The following LIPC variants were observed in gnomAD, a reference collection of about 807,000 sequenced individuals.
LIPC encodes hepatic triacylglycerol lipase.
A neutral mutation model predicts 50.7 loss-of-function variants in LIPC; 44 were observed. That is an observed-to-expected ratio of 0.87 (90% confidence interval 0.68 to 1.11). LIPC has a LOEUF of 1.11. Ranked by LOEUF, LIPC falls within the 50% of genes most tolerant of loss-of-function variation. The pLI is 0.00. For synonymous variants in LIPC, 271 were observed against 256.4 expected, an observed-to-expected ratio of 1.06 and a Z score of -0.54; for missense variants, 697 against 648.2, an observed-to-expected ratio of 1.08 and a Z score of -0.82.
At chr15:58,460,134 T>C (rs1231261725) in intron 1 of LIPC, among the ~76,000 whole-genome samples, 6 of 152,222 alleles carry the variant, frequency 3.9e-5, no homozygotes, top group Non-Finnish European at 7.3e-5. Context: ...ATGAGCATTG[T>C]TCAAGCCGAT....
intron 1 of LIPC, among the ~76,000 whole-genome samples, chr15:58,482,433 G>C (rs1363961272): frequency 1.3e-5 from 2 of 152,150 alleles, no homozygotes; most frequent in African/African-American, 4.8e-5. Context: ...AGAGTTCCTT[G>C]GGCTTTGGAG....
intron 1 of LIPC, among the ~76,000 whole-genome samples, chr15:58,514,474 G>T (rs1177824992): frequency 6.6e-6 from 1 of 152,152 alleles, no homozygotes; most frequent in Non-Finnish European, 1.5e-5. Flanking sequence ...AATGCTATTT[G>T]ATTGAAAGTA....
chr15:58,434,005 A>G (rs1376611877), intron 1 of LIPC, among the ~76,000 whole-genome samples: 5 of 152,010 alleles, frequency 3.3e-5, no homozygotes, highest in African/African-American at 1.2e-4. Flanking sequence ...AAGTTTCTAC[A>G]CCAATGGTTC....
chr15:58,471,774 G>T (rs1356488523), intron 1 of LIPC, among the ~76,000 whole-genome samples: 1 of 152,188 alleles, frequency 6.6e-6, no homozygotes, highest in Non-Finnish European at 1.5e-5. Flanking sequence ...GGCTTAGAAA[G>T]GGCAGGCACC....
chr15:58,520,853 G>C (rs1892632044), intron 1 of LIPC, among the ~76,000 whole-genome samples: 2 of 152,122 alleles, frequency 1.3e-5, no homozygotes, highest in South Asian at 4.1e-4. Flanking sequence ...TTTGAGATCA[G>C]AAAAGCCTTC....
At chr15:58,468,228 C>T (rs550599506) in intron 1 of LIPC, among the ~76,000 whole-genome samples, 1 of 152,272 alleles carries the variant, frequency 6.6e-6, no homozygotes, top group South Asian at 2.1e-4. Flanking sequence ...TGGACCTGAA[C>T]CCAGGTCACG....
At chr15:58,548,638 G>A (rs1240477218) in intron 6 of LIPC, 66 bp downstream of exon 6, 36 of 1,544,568 alleles carry the variant, frequency 2.3e-5, no homozygotes, top group Admixed American at 3.9e-5. Flanking sequence ...GGGCTCAGAA[G>A]TCCCCTTGGC....
At chr15:58,453,841 G>A (rs1321093982) in intron 1 of LIPC, among the ~76,000 whole-genome samples, 1 of 149,694 alleles carries the variant, frequency 6.7e-6, no homozygotes, top group Non-Finnish European at 1.5e-5. Context: ...AGTGAGCCAT[G>A]ATCATGCACA....
chr15:58,560,914 A>G lies in LIPC; in HGVS notation c.1102A>G (p.Ile368Val), dbSNP rs762481690. 7.7e-6 allele frequency: 12 copies of G among 1,556,322 alleles called. No homozygotes were observed. The highest frequency in any genetic ancestry group is 1.7e-4 in the Middle Eastern group (1 of 5,990). The change falls in exon 7 of 9, where the codon ATA becomes GTA. Residue 368 changes from isoleucine to valine, a missense_variant. Coordinates refer to ENST00000299022, the MANE Select transcript of LIPC (RefSeq NM_000236.3). The part of the protein sequence containing the change: ...IQFINQTETP[I>V]QTTFTMSLLG... Reference sequence around the variant, plus strand: ...GTTCATCAACCAAACTGAGACACCAATACAAACAACTTTTACCATGTCACT... The same window carrying G: ...GTTCATCAACCAAACTGAGACACCAGTACAAACAACTTTTACCATGTCACT...
At chr15:58,519,234 C>A (rs1892576954) in intron 1 of LIPC, among the ~76,000 whole-genome samples, 1 of 151,894 alleles carries the variant, frequency 6.6e-6, no homozygotes, top group Non-Finnish European at 1.5e-5. Flanking sequence ...TGGTGAAACC[C>A]TTTCTCTACT....
intron 1 of LIPC, among the ~76,000 whole-genome samples, chr15:58,490,064 T>C (rs556754088): frequency 6.6e-6 from 1 of 152,210 alleles, no homozygotes; most frequent in African/African-American, 2.4e-5. Context: ...CAATACTTAA[T>C]TTTGTTTTTA....
At chr15:58,552,020 C>A (rs1369603491) in intron 6 of LIPC, among the ~76,000 whole-genome samples, 16 of 152,352 alleles carry the variant, frequency 1.1e-4, no homozygotes, top group African/African-American at 3.8e-4. Flanking sequence ...CACTTCCATT[C>A]TCACTCTCTC....
chr15:58,539,128 C>A (rs917432585), intron 2 of LIPC, among the ~76,000 whole-genome samples: 5 of 152,150 alleles, frequency 3.3e-5, no homozygotes, highest in African/African-American at 4.8e-5. Flanking sequence ...AGCTAGAGGA[C>A]TAGCCATCAC....
At position 58,485,183 on chromosome 15, in the gene LIPC, G is replaced by A. The variant is rs139434906; in HGVS notation, c.88+53063G>A. ...CATGTAGAATGCATTGGAAGAGGAC[G>A]GCGGGGTTAAGCAGGGAGACCCCGG... On this transcript the variant is annotated intron_variant, in intron 1 of 8. Coordinates refer to ENST00000299022, the MANE Select transcript of LIPC (RefSeq NM_000236.3). 3.2e-3 allele frequency among the ~76,000 whole-genome samples: 487 copies of A among 152,268 alleles called. 1 individual carries two copies. The highest frequency in any genetic ancestry group is 9.9e-3 in the South Asian group (48 of 4,826).
At chr15:58,508,659 T>C (rs1030706945) in intron 1 of LIPC, among the ~76,000 whole-genome samples, 9 of 152,194 alleles carry the variant, frequency 5.9e-5, no homozygotes, top group African/African-American at 1.7e-4. Context: ...CCAAACTCTA[T>C]GCTGGGGGCT....
intron 6 of LIPC, among the ~76,000 whole-genome samples, chr15:58,560,515 G>T: frequency 6.6e-6 from 1 of 152,142 alleles, no homozygotes. Context: ...TTTGATTTAC[G>T]AAAGGAGACC....
At chr15:58,537,200 G>A (rs147018931) in intron 1 of LIPC, among the ~76,000 whole-genome samples, 7 of 152,270 alleles carry the variant, frequency 4.6e-5, no homozygotes, top group East Asian at 1.9e-4. Flanking sequence ...ATGGAAACGC[G>A]CCACCTTGCC....
intron 6 of LIPC, among the ~76,000 whole-genome samples, chr15:58,552,161 G>A (rs536418334): frequency 1.3e-5 from 2 of 152,200 alleles, no homozygotes; most frequent in Non-Finnish European, 2.9e-5. Context: ...TGAGGTAACC[G>A]GGTGGAGAGG....
At chr15:58,478,124 C>A (rs1218766228) in intron 1 of LIPC, among the ~76,000 whole-genome samples, 1 of 152,194 alleles carries the variant, frequency 6.6e-6, no homozygotes, top group Non-Finnish European at 1.5e-5. Flanking sequence ...TCCACCACAA[C>A]CTGTCTTGGT....
Sources: allele counts gnomAD v4.1 joint callset (sites outside exome capture counted in the v4.1 genomes callset), GRCh38; gene constraint gnomAD v4.1.1; transcripts MANE v1.5; gene names NCBI Gene and HGNC (gene_info 2026-07-23, HGNC 2026-07-21).